The following PCCA variants were observed in gnomAD, a reference collection of about 807,000 sequenced individuals.
The protein encoded by PCCA is propionyl-CoA carboxylase subunit alpha.
In PCCA, 74 loss-of-function variants were observed where a neutral mutation model predicts 101.3. That is an observed-to-expected ratio of 0.73 (90% confidence interval 0.61 to 0.89). The LOEUF (loss-of-function observed/expected upper bound fraction) is 0.89. PCCA is among the 40% of genes least tolerant of loss of function. PCCA has a pLI of 0.00. For missense variants in PCCA, 891 were observed against 907.0 expected, an observed-to-expected ratio of 0.98 and a Z score of 0.23; for synonymous variants, 294 against 313.6, an observed-to-expected ratio of 0.94 and a Z score of 0.66.
intron 6 of PCCA, among the ~76,000 whole-genome samples, chr13:100,201,088 C>T (rs1391725868): frequency 6.6e-6 from 1 of 151,846 alleles, no homozygotes; most frequent in Non-Finnish European, 1.5e-5. Flanking sequence ...AATATGATTA[C>T]TAAAAACATT....
At chr13:100,455,975 C>T (rs1164122853) in intron 21 of PCCA, among the ~76,000 whole-genome samples, 1 of 152,196 alleles carries the variant, frequency 6.6e-6, no homozygotes, top group Non-Finnish European at 1.5e-5. Context: ...GCTGGGATTA[C>T]AGATGTGAGC....
chr13:100,096,480 A>G lies in PCCA; in HGVS notation c.106-6403A>G, dbSNP rs571860697. The stretch of plus-strand genomic sequence containing the variant: ...TTCTCTGAGATACAACAATATTGAA[A>G]TTAGGCCAATTAATAATCTTCTAAG... On this transcript the variant is annotated intron_variant, in intron 1 of 23. Coordinates refer to ENST00000376285, the MANE Select transcript of PCCA (RefSeq NM_000282.4). Among the ~76,000 whole-genome samples, 157 of 152,194 alleles carry G rather than the reference A, an allele frequency of 1.0e-3. 1 individual carries two copies. Among genetic ancestry groups the G allele is most frequent in the Non-Finnish European group, 1.2e-3 (80 of 68,034 alleles).
intron 4 of PCCA, among the ~76,000 whole-genome samples, chr13:100,127,531 A>G (rs911569304): frequency 2.0e-5 from 3 of 152,098 alleles, no homozygotes; most frequent in Admixed American, 1.3e-4. Flanking sequence ...TCATGGATTT[A>G]TTTTTCTCTA....
intron 21 of PCCA, chr13:100,479,699 A>G (rs1415596200): frequency 6.6e-6 from 1 of 152,188 alleles, no homozygotes; most frequent in South Asian, 2.1e-4. Context: ...TCATAAGAAA[A>G]TGCACATTTA....
intron 12 of PCCA, among the ~76,000 whole-genome samples, chr13:100,286,143 G>A (rs1258961102): frequency 2.0e-5 from 3 of 152,264 alleles, no homozygotes; most frequent in Middle Eastern, 3.4e-3. Flanking sequence ...TATGAGGAAC[G>A]GGACTAAGAT....
At chr13:100,165,925 CAG>C (rs2054992831) in intron 6 of PCCA, among the ~76,000 whole-genome samples, 1 of 152,066 alleles carries the variant, frequency 6.6e-6, no homozygotes, top group Non-Finnish European at 1.5e-5. Flanking sequence ...AAAAATAAAC[CAG>C]AGTTCATTAT....
intron 4 of PCCA, among the ~76,000 whole-genome samples, chr13:100,123,389 G>T (rs2049621779): frequency 6.6e-6 from 1 of 152,130 alleles, no homozygotes; most frequent in Non-Finnish European, 1.5e-5. Flanking sequence ...AAAATCTCTG[G>T]TGGTTGGTTA....
intron 16 of PCCA, among the ~76,000 whole-genome samples, chr13:100,327,401 T>C (rs2068816698): frequency 6.6e-6 from 1 of 152,236 alleles, no homozygotes; most frequent in South Asian, 2.1e-4. Context: ...TAATGTGTTA[T>C]TGACTCTGTG....
At chr13:100,241,906 G>A (rs2061161800) in intron 8 of PCCA, among the ~76,000 whole-genome samples, 1 of 152,138 alleles carries the variant, frequency 6.6e-6, no homozygotes, top group Non-Finnish European at 1.5e-5. Context: ...TCTTCGAAGT[G>A]AAATTGCTGG....
intron 8 of PCCA, among the ~76,000 whole-genome samples, chr13:100,244,841 A>G (rs1327068230): frequency 6.6e-6 from 1 of 151,958 alleles, no homozygotes; most frequent in Non-Finnish European, 1.5e-5. Flanking sequence ...CATCTGGATT[A>G]TATTTTTGTA....
At chr13:100,311,292 G>C (rs1227184643) in intron 16 of PCCA, among the ~76,000 whole-genome samples, 2 of 151,872 alleles carry the variant, frequency 1.3e-5, no homozygotes, top group African/African-American at 2.4e-5. Context: ...AAATGACTTT[G>C]TCTCTCTGAA....
chr13:100,148,079 C>T lies in PCCA; in HGVS notation c.301-6900C>T, dbSNP rs189924207. ...ACTACAGGAACTGGGCCACTGCACACGGCAGTTTTAGTCTTTTTATTTTTT... is the reference window on the plus strand; with the variant it reads ...ACTACAGGAACTGGGCCACTGCACATGGCAGTTTTAGTCTTTTTATTTTTT... On this transcript the variant is annotated intron_variant, in intron 4 of 23. Coordinates refer to ENST00000376285, the MANE Select transcript of PCCA (RefSeq NM_000282.4). Among the ~76,000 whole-genome samples, 9 of 152,106 alleles carry T rather than the reference C, an allele frequency of 5.9e-5. 1 individual carries two copies. Among genetic ancestry groups the T allele is most frequent in the African/African-American group, 1.2e-4 (5 of 41,532 alleles).
intron 21 of PCCA, among the ~76,000 whole-genome samples, chr13:100,467,265 G>A (rs750049187): frequency 1.3e-5 from 2 of 152,198 alleles, no homozygotes. Flanking sequence ...GACAAAACCA[G>A]TTCTTCTGTG....
intron 21 of PCCA, among the ~76,000 whole-genome samples, chr13:100,488,304 G>A (rs61970537): frequency 0.24 from 35,716 of 151,958 alleles, 5,034 homozygotes; most frequent in East Asian, 0.55. Flanking sequence ...TGTTGGTTGG[G>A]CTGGTCTTGA....
rs1281449669 is a variant in PCCA, at chr13:100,400,630, C to CT, written c.1747-24986dup. On this transcript the variant is annotated intron_variant, in intron 19 of 23. Coordinates refer to ENST00000376285, the MANE Select transcript of PCCA (RefSeq NM_000282.4). ...TGATTGATCTTAGTTCTTTTTAGTT[C>CT]TTTTTTTTTTTTTTTTTGAGAGTTT... Among the ~76,000 whole-genome samples the CT allele has an allele frequency of 3.4e-3, 310 of 90,972 alleles. 7 individuals carry two copies. The highest frequency in any genetic ancestry group is 0.011 in the Middle Eastern group (2 of 182). 59.7% of individuals were successfully genotyped at this position (90,972 alleles called of 152,430 possible).
At chr13:100,252,238 T>C (rs994100390) in intron 8 of PCCA, among the ~76,000 whole-genome samples, 7 of 152,200 alleles carry the variant, frequency 4.6e-5, no homozygotes, top group South Asian at 2.1e-4. Flanking sequence ...ATATCTTTTG[T>C]TTTCTTTTTA....
At chr13:100,505,401 TG>T (rs1427499062) in intron 21 of PCCA, among the ~76,000 whole-genome samples, 2 of 152,246 alleles carry the variant, frequency 1.3e-5, no homozygotes, top group Non-Finnish European at 2.9e-5. Flanking sequence ...GCTGCATGCC[TG>T]GGAACCTCTC....
intron 18 of PCCA, among the ~76,000 whole-genome samples, chr13:100,359,757 G>A (rs1050276311): frequency 6.6e-6 from 1 of 152,130 alleles, no homozygotes; most frequent in Non-Finnish European, 1.5e-5. Context: ...GTTAACAAAA[G>A]AGATTCATGA....
intron 14 of PCCA, among the ~76,000 whole-genome samples, chr13:100,305,449 C>T (rs2066372987): frequency 6.6e-6 from 1 of 152,058 alleles, no homozygotes; most frequent in Non-Finnish European, 1.5e-5. Context: ...TAAGTTCTTC[C>T]TAGCTTTGTA....
Sources: allele counts gnomAD v4.1 joint callset (sites outside exome capture counted in the v4.1 genomes callset), GRCh38; gene constraint gnomAD v4.1.1; transcripts MANE v1.5; gene names NCBI Gene and HGNC (gene_info 2026-07-23, HGNC 2026-07-21).